The following C18orf63 variants were observed in gnomAD, a reference collection of about 807,000 sequenced individuals.
C18orf63 encodes chromosome 18 open reading frame 63.
Under a neutral mutation model 75.3 loss-of-function variants are expected in C18orf63, and 50 were observed. That is an observed-to-expected ratio of 0.66 (90% CI 0.53 to 0.84). The LOEUF (loss-of-function observed/expected upper bound fraction) is 0.84, where lower values mean the gene tolerates loss of function less well. Among genes scored for constraint, C18orf63 ranks in the 40% least tolerant of loss-of-function variants. C18orf63 has a pLI of 0.00. For missense variants in C18orf63, 732 were observed against 800.2 expected (o/e 0.91, Z 1.03); for synonymous variants, 232 against 267.6 (o/e 0.87, Z 1.30).
chr18:74,341,883 C>A lies in C18orf63; in HGVS notation c.612-149C>A, dbSNP rs969555585. 6 of 502,340 alleles carry A rather than the reference C, an allele frequency of 1.2e-5. No individual in the cohort carries two copies. The East Asian group carries it at 1.2e-4, about 10-fold the overall frequency. The allele number at this position is 502,340 out of a possible 1,614,324, so 31.1% of individuals were successfully genotyped here. A position where few individuals can be genotyped will look rare whatever the true frequency, so the allele number is the denominator to read the frequency against. Reference sequence around the variant, plus strand: ...AGCAAAATAAAAAGATTTAGTACAACGTGTTTGAAACTTGAGATGTTTAGT... The same window carrying A: ...AGCAAAATAAAAAGATTTAGTACAAAGTGTTTGAAACTTGAGATGTTTAGT... On this transcript the variant is annotated intron_variant, in intron 8 of 13. Transcript: ENST00000579455.
chr18:74,352,855 G>T lies in C18orf63; in HGVS notation c.979-391G>T, dbSNP rs1362870. 4.0e-3 allele frequency among the ~76,000 whole-genome samples: 607 copies of T among 152,156 alleles called. 3 individuals are homozygous for T. The highest frequency in any genetic ancestry group is 0.014 in the African/African-American group (592 of 41,492). On this transcript the variant is annotated intron_variant, in intron 11 of 13. Transcript: ENST00000579455. ...TTGGAGAGTTGACAGAAAAACAGTC[G>T]CTCTGTGGTAGATTGATGGGTGGGA... is the stretch of plus-strand genomic sequence containing the variant.
At chr18:74,320,452 TG>T (rs953704843) in intron 2 of C18orf63, 60 bp from the exon 3 acceptor site, 14 of 1,114,562 alleles carry the variant, frequency 1.3e-5, no homozygotes, top group Non-Finnish European at 1.8e-5. Flanking sequence ...ACATGAGATT[TG>T]GGTGGGGACA....
chr18:74,330,957 G>T lies in C18orf63; in HGVS notation c.501+15G>T. On this transcript the variant is annotated intron_variant, in intron 7 of 13. Coordinates refer to ENST00000579455, the MANE Select transcript of C18orf63 (RefSeq NM_001174123.2). ...CAGCACCTGAGGTACCATATATTGT[G>T]ATTTCTATACTTTATTATATTTACT... The T allele has an allele frequency of 8.4e-7, 1 of 1,190,270 alleles. No individual in the cohort carries two copies. The highest frequency in any genetic ancestry group is 1.1e-6 in the Non-Finnish European group (1 of 874,342). The allele number at this position is 1,190,270 out of a possible 1,614,324, so 73.7% of individuals were successfully genotyped here. A position where few individuals can be genotyped will look rare whatever the true frequency, so the allele number is the denominator to read the frequency against.
At chr18:74,328,308 A>G (rs1169570419) in intron 5 of C18orf63, among the ~76,000 whole-genome samples, 1 of 152,166 alleles carries the variant, frequency 6.6e-6, no homozygotes, top group Non-Finnish European at 1.5e-5. Flanking sequence ...ACTCCCCTTT[A>G]TAAAACCATC....
chr18:74,324,473 A>T (rs367832459), intron 4 of C18orf63, among the ~76,000 whole-genome samples: 13 of 152,224 alleles, frequency 8.5e-5, no homozygotes, highest in Admixed American at 8.5e-4. Context: ...ATCAGCGTAT[A>T]GTTTTAGCAA....
Position 74,357,169 on chromosome 18 carries a change from G to C in C18orf63, c.*722G>C, listed in dbSNP as rs1984781444. ...CAACAAAACTGGAGCCTTTATTGGG[G>C]TGGAGATTTCTGTTTCCACCAGTAC... On this transcript the variant is annotated 3_prime_UTR_variant, in exon 14 of 14. Coordinates refer to ENST00000579455, the MANE Select transcript of C18orf63 (RefSeq NM_001174123.2). 1 of 152,166 alleles carries C rather than the reference G, an allele frequency of 6.6e-6. No homozygotes were observed. Among genetic ancestry groups the C allele is most frequent in the African/African-American group, 2.4e-5 (1 of 41,442 alleles). The allele number at this position is 152,166 out of a possible 1,614,324, so 9.4% of individuals were successfully genotyped here. A position where few individuals can be genotyped will look rare whatever the true frequency, so the allele number is the denominator to read the frequency against.
At chr18:74,333,839 G>A (rs2145121933) in intron 7 of C18orf63, among the ~76,000 whole-genome samples, 1 of 152,028 alleles carries the variant, frequency 6.6e-6, no homozygotes, top group East Asian at 1.9e-4. Flanking sequence ...ACCAAAAATT[G>A]GGCAATAACA....
chr18:74,335,493 C>T (rs376149760), intron 7 of C18orf63, among the ~76,000 whole-genome samples: 1 of 151,904 alleles, frequency 6.6e-6, no homozygotes, highest in African/African-American at 2.4e-5. Context: ...TAATGCTTTC[C>T]TGGAAGTAAT....
chr18:74,319,567 G>A (rs531156689), intron 2 of C18orf63, among the ~76,000 whole-genome samples: 1 of 152,266 alleles, frequency 6.6e-6, no homozygotes, highest in African/African-American at 2.4e-5. Context: ...TTCTGATGAT[G>A]TTTGTTTTAA....
At position 74,358,442 on chromosome 18, in the gene C18orf63, C is replaced by G. The variant is rs1291248393; in HGVS notation, c.*1995C>G. The G allele has an allele frequency of 6.6e-6, 1 of 152,014 alleles. No individual in the cohort carries two copies. Among genetic ancestry groups the G allele is most frequent in the Non-Finnish European group, 1.5e-5 (1 of 67,994 alleles). 9.4% of individuals were successfully genotyped at this position (152,014 alleles called of 1,614,324 possible). ...ATATTTCATGTTCCAAGAAGAGGTT[C>G]TAGATCAAATTTCTGTGTTCAGAAT... On this transcript the variant is annotated 3_prime_UTR_variant, in exon 14 of 14. Coordinates refer to ENST00000579455, the MANE Select transcript of C18orf63 (RefSeq NM_001174123.2).
Position 74,338,768 on chromosome 18 carries a change from G to C in C18orf63, c.555G>C (p.Lys185Asn). 1 of 1,425,284 alleles carries C rather than the reference G, an allele frequency of 7.0e-7. No homozygotes were observed. Among genetic ancestry groups the C allele is most frequent in the Non-Finnish European group, 9.3e-7 (1 of 1,079,082 alleles). The allele number at this position is 1,425,284 out of a possible 1,614,324, so 88.3% of individuals were successfully genotyped here. A position where few individuals can be genotyped will look rare whatever the true frequency, so the allele number is the denominator to read the frequency against. ...TTATAAAGGATTTTCATGCTAACAAGCATGCTGTCATTGAGAGACATTCCA... is the reference window on the plus strand; with the variant it reads ...TTATAAAGGATTTTCATGCTAACAACCATGCTGTCATTGAGAGACATTCCA... ...QSIIKDFHANKHAVIERHSIL... is the reference protein window; with the variant it reads ...QSIIKDFHANNHAVIERHSIL... Residue 185 changes from lysine to asparagine, a missense_variant, in exon 8 of 14, where the codon AAG becomes AAC. Transcript: ENST00000579455.
intron 7 of C18orf63, among the ~76,000 whole-genome samples, chr18:74,331,522 T>C (rs76197313): frequency 0.013 from 2,024 of 152,296 alleles, 24 homozygotes; most frequent in South Asian, 0.048. Context: ...AATGAATGAT[T>C]GGCTCCTTAT....
chr18:74,354,485 A>C lies in C18orf63; in HGVS notation c.2030A>C (p.Lys677Thr). The C allele has an allele frequency of 1.4e-6, 2 of 1,467,646 alleles. No individual in the cohort carries two copies. Among genetic ancestry groups the C allele is most frequent in the South Asian group, 2.4e-5 (2 of 82,132 alleles). 90.9% of individuals were successfully genotyped at this position (1,467,646 alleles called of 1,614,324 possible). A position where few individuals can be genotyped will look rare whatever the true frequency, so the allele number is the denominator to read the frequency against. ...CTTGACTCGGATAAATCAAAACTTA[A>C]GAAATCTCTCATCATTCATAATGCT... ...QILDSDKSKL[K>T]KSLIIHNA Residue 677 changes from lysine to threonine, a missense_variant, in exon 13 of 14, where the codon AAG becomes ACG. Coordinates refer to ENST00000579455, the MANE Select transcript of C18orf63 (RefSeq NM_001174123.2).
intron 2 of C18orf63, among the ~76,000 whole-genome samples, chr18:74,318,593 A>T (rs1984067372): frequency 6.6e-6 from 1 of 152,150 alleles, no homozygotes; most frequent in South Asian, 2.1e-4. Flanking sequence ...GTTCGACACC[A>T]GCCTGGCCAA....
chr18:74,330,988 C>A, intron 7 of C18orf63, 46 bp downstream of exon 7: 2 of 735,084 alleles, frequency 2.7e-6, no homozygotes, highest in Non-Finnish European at 3.9e-6. Context: ...TTACTATATA[C>A]TTTTTATATT....
chr18:74,345,885 T>G (rs1205471945), intron 11 of C18orf63, among the ~76,000 whole-genome samples: 2 of 152,008 alleles, frequency 1.3e-5, no homozygotes, highest in African/African-American at 2.4e-5. Context: ...TGATAAAGCA[T>G]CTTATCTATT....
chr18:74,341,629 A>C (rs1314603856), intron 8 of C18orf63, among the ~76,000 whole-genome samples: 1 of 151,260 alleles, frequency 6.6e-6, no homozygotes, highest in Non-Finnish European at 1.5e-5. Context: ...AGAGGTTGCC[A>C]TGAGCTGAGA....
chr18:74,343,808 T>C, intron 11 of C18orf63, 106 bp downstream of exon 11: 4 of 563,970 alleles, frequency 7.1e-6, no homozygotes, highest in Non-Finnish European at 1.1e-5. Context: ...TGTGCAGTAA[T>C]TCTTTTATCT....
intron 12 of C18orf63, 70 bp from the exon 13 acceptor site, chr18:74,354,387 A>G: frequency 8.0e-7 from 1 of 1,243,622 alleles, no homozygotes; most frequent in Admixed American, 2.6e-5. Flanking sequence ...TAAACAGAAT[A>G]TCTACCCTAG....
Sources: allele counts gnomAD v4.1 joint callset (sites outside exome capture counted in the v4.1 genomes callset), GRCh38; gene constraint gnomAD v4.1.1; transcripts MANE v1.5; gene names NCBI Gene and HGNC (gene_info 2026-07-23, HGNC 2026-07-21).